TENM3: variants seen among roughly 807,000 people sequenced by gnomAD.
TENM3 encodes teneurin-3.
A neutral mutation model predicts 255.1 loss-of-function variants in TENM3; 63 were observed. That is an observed-to-expected ratio of 0.25 (90% CI 0.20 to 0.30). The LOEUF (loss-of-function observed/expected upper bound fraction) is 0.30. Among genes scored for constraint, TENM3 ranks in the 10% least tolerant of loss-of-function variants. TENM3 has a pLI of 1.00. For synonymous variants in TENM3, 1,306 were observed against 1,322.3 expected (o/e 0.99, Z 0.27); for missense variants, 2,929 against 3,461.1 (o/e 0.85, Z 3.86).
At chr4:182,060,779 T>A in the TENM3 span, among the ~76,000 whole-genome samples, 1 of 152,224 alleles carries the variant, frequency 6.6e-6, no homozygotes, top group Non-Finnish European at 1.5e-5. Flanking sequence ...ATTGCGGGTA[T>A]AAACCAAAAT....
the TENM3 span, among the ~76,000 whole-genome samples, chr4:181,876,290 A>G: frequency 6.6e-6 from 1 of 152,126 alleles, no homozygotes; most frequent in Non-Finnish European, 1.5e-5. Flanking sequence ...TATTACTTTT[A>G]TGTTTTTATT....
chr4:182,666,210 AC>A (rs1378660385), intron 6 of TENM3, among the ~76,000 whole-genome samples: 19 of 152,150 alleles, frequency 1.2e-4, no homozygotes, highest in African/African-American at 4.6e-4. Flanking sequence ...GATGGAATTT[AC>A]TCCTGATGAA....
At chr4:182,633,116 G>A (rs1270567222) in intron 5 of TENM3, among the ~76,000 whole-genome samples, 1 of 151,728 alleles carries the variant, frequency 6.6e-6, no homozygotes, top group African/African-American at 2.4e-5. Context: ...TTTTTTTGTA[G>A]AGACAAGATC....
chr4:182,641,059 C>T (rs78026400), intron 5 of TENM3, among the ~76,000 whole-genome samples: 7,395 of 152,254 alleles, frequency 0.049, 268 homozygotes, highest in East Asian at 0.19. Context: ...TCACAGCCAG[C>T]CGAACTTGAT....
At chr4:181,922,718 T>G in the TENM3 span, among the ~76,000 whole-genome samples, 1 of 151,228 alleles carries the variant, frequency 6.6e-6, no homozygotes, top group African/African-American at 2.4e-5. Flanking sequence ...GAAGGGTTTT[T>G]TGTGTCTCTA....
At chr4:182,234,520 G>T (rs1193680379) in intron 1 of TENM3, among the ~76,000 whole-genome samples, 1 of 152,130 alleles carries the variant, frequency 6.6e-6, no homozygotes, top group African/African-American at 2.4e-5. Flanking sequence ...ATCATTTGAG[G>T]TCAGGAGTTC....
At chr4:182,213,887 T>C (rs2597111) in intron 1 of TENM3, among the ~76,000 whole-genome samples, 86,912 of 151,188 alleles carry the variant, frequency 0.57, 25,388 homozygotes, top group Non-Finnish European at 0.6. Context: ...CTGCAAGCTC[T>C]GCCTCCTGGG....
the TENM3 span, among the ~76,000 whole-genome samples, chr4:181,696,036 G>A: frequency 6.6e-6 from 1 of 152,010 alleles, no homozygotes; most frequent in African/African-American, 2.4e-5. Flanking sequence ...GTAAAGTCAT[G>A]TGTAAATGAG....
intron 5 of TENM3, among the ~76,000 whole-genome samples, chr4:182,640,699 G>T (rs1278970985): frequency 6.6e-6 from 1 of 152,172 alleles, no homozygotes; most frequent in South Asian, 2.1e-4. Flanking sequence ...GAAGCAGGCT[G>T]GCAGTGTGGG....
At chr4:181,448,292 G>A in the TENM3 span, among the ~76,000 whole-genome samples, 2 of 141,850 alleles carry the variant, frequency 1.4e-5, no homozygotes, top group Admixed American at 7.6e-5. Context: ...TCAGCCTCCC[G>A]AGTAGAGTAG....
At chr4:181,953,624 G>A in the TENM3 span, among the ~76,000 whole-genome samples, 1 of 151,924 alleles carries the variant, frequency 6.6e-6, no homozygotes, top group African/African-American at 2.4e-5. Context: ...AGGTTGCAGT[G>A]AGCCAAGATT....
intron 3 of TENM3, among the ~76,000 whole-genome samples, chr4:182,461,213 G>C (rs1385897345): frequency 6.6e-6 from 1 of 152,170 alleles, no homozygotes; most frequent in Admixed American, 6.5e-5. Context: ...GGCATCACCT[G>C]ATCTTCTCTC....
At chr4:182,259,893 C>T (rs907802838) in intron 1 of TENM3, among the ~76,000 whole-genome samples, 1 of 152,074 alleles carries the variant, frequency 6.6e-6, no homozygotes, top group African/African-American at 2.4e-5. Flanking sequence ...ACCCACTTAT[C>T]ATCCTCTCTT....
At chr4:182,004,474 T>C in the TENM3 span, among the ~76,000 whole-genome samples, 4 of 152,210 alleles carry the variant, frequency 2.6e-5, no homozygotes, top group Admixed American at 6.5e-5. Context: ...TAGCCTATCA[T>C]TGATAGGCAT....
chr4:182,410,201 C>T (rs938424611), intron 3 of TENM3, among the ~76,000 whole-genome samples: 1 of 152,198 alleles, frequency 6.6e-6, no homozygotes, highest in African/African-American at 2.4e-5. Context: ...TAATACAGAA[C>T]ACTAGAAGCT....
At chr4:181,727,482 C>G in the TENM3 span, among the ~76,000 whole-genome samples, 4 of 151,934 alleles carry the variant, frequency 2.6e-5, 1 homozygote, top group African/African-American at 9.7e-5. Context: ...TGGACAAAAC[C>G]CAAAATATAT....
At chr4:182,632,860 G>T (rs1423446083) in intron 5 of TENM3, among the ~76,000 whole-genome samples, 5 of 145,676 alleles carry the variant, frequency 3.4e-5, no homozygotes, top group Non-Finnish European at 6.3e-5. Context: ...TTCTCACTCT[G>T]TTTTTTTCTT....
intron 4 of TENM3, among the ~76,000 whole-genome samples, chr4:182,617,623 T>C (rs1041413870): frequency 6.6e-6 from 1 of 152,192 alleles, no homozygotes; most frequent in East Asian, 1.9e-4. Context: ...TTTTGGATAT[T>C]GAAAAGGTTG....
chr4:182,136,198 A>C, the TENM3 span, among the ~76,000 whole-genome samples: 2 of 152,218 alleles, frequency 1.3e-5, no homozygotes, highest in Non-Finnish European at 2.9e-5. Flanking sequence ...GTTTTAGGGA[A>C]TACCTCCATG....
Sources: gnomAD v4.1 joint callset for allele counts (sites outside exome capture counted in the v4.1 genomes callset) on GRCh38, gnomAD v4.1.1 for gene constraint, MANE v1.5 for transcripts, NCBI Gene and HGNC (gene_info 2026-07-23, HGNC 2026-07-21) for gene names.